The following C12orf54 variants were observed in gnomAD, a reference collection of about 807,000 sequenced individuals.
C12orf54 encodes the protein uncharacterized protein C12orf54.
In C12orf54, 24 loss-of-function variants were observed where a neutral mutation model predicts 26.4. The observed-to-expected ratio is 0.91, with a 90% CI of 0.66 to 1.28. The LOEUF is 1.28. Among genes scored for constraint, C12orf54 ranks in the 50% most tolerant of loss-of-function variants. The probability of loss-of-function intolerance (pLI) is 0.00; values close to 1 mark genes in which losing one functional copy is unlikely to be tolerated. For missense variants in C12orf54, 154 were observed against 150.9 expected (o/e 1.02, Z -0.11); for synonymous variants, 54 against 47.0 (o/e 1.15, Z -0.61).
the C12orf54 span, among the ~76,000 whole-genome samples, chr12:48,425,320 G>A: frequency 2.9e-4 from 44 of 152,108 alleles, no homozygotes; most frequent in East Asian, 7.7e-3. Context: ...ATTTATAAGT[G>A]AAAACATGCA....
chr12:48,483,217 C>G (rs942926595), intron 1 of C12orf54, 23 bp from the exon 2 acceptor site: 38 of 1,271,348 alleles, frequency 3.0e-5, no homozygotes, highest in Non-Finnish European at 3.9e-5. Flanking sequence ...GCCTTCTCCG[C>G]ATATTCATTT....
chr12:48,439,063 A>T, the C12orf54 span, among the ~76,000 whole-genome samples: 1 of 152,332 alleles, frequency 6.6e-6, no homozygotes, highest in Non-Finnish European at 1.5e-5. Flanking sequence ...TTACAAGAAA[A>T]AAAACAAACA....
chr12:48,463,119 G>A, the C12orf54 span, among the ~76,000 whole-genome samples: 1 of 151,756 alleles, frequency 6.6e-6, no homozygotes, highest in Non-Finnish European at 1.5e-5. Context: ...AAAATTAAAA[G>A]GGAAAAATAC....
At chr12:48,428,144 A>G in the C12orf54 span, among the ~76,000 whole-genome samples, 1 of 152,068 alleles carries the variant, frequency 6.6e-6, no homozygotes, top group East Asian at 1.9e-4. Flanking sequence ...GACACAACCT[A>G]TCAAAACCTC....
At chr12:48,472,753 A>G in the C12orf54 span, 4 of 1,614,122 alleles carry the variant, frequency 2.5e-6, no homozygotes, top group African/African-American at 5.3e-5. Context: ...AGTCAGTCAA[A>G]TGAAGGCAAA....
the C12orf54 span, among the ~76,000 whole-genome samples, chr12:48,466,570 G>T: frequency 6.6e-6 from 1 of 151,380 alleles, no homozygotes; most frequent in Non-Finnish European, 1.5e-5. Context: ...TACATGACTT[G>T]CAAATGAAAA....
the C12orf54 span, among the ~76,000 whole-genome samples, chr12:48,466,562 C>T: frequency 6.7e-6 from 1 of 150,198 alleles, no homozygotes; most frequent in Non-Finnish European, 1.5e-5. Flanking sequence ...AAAAAAGATA[C>T]ATGACTTGCA....
chr12:48,452,245 T>C, the C12orf54 span, among the ~76,000 whole-genome samples: 3 of 149,612 alleles, frequency 2.0e-5, no homozygotes, highest in Non-Finnish European at 3.0e-5. Flanking sequence ...AAGGATTTCT[T>C]ATTTAATAAA....
At chr12:48,491,562 T>C (rs1252303776) in intron 6 of C12orf54, among the ~76,000 whole-genome samples, 1 of 152,192 alleles carries the variant, frequency 6.6e-6, no homozygotes, top group Non-Finnish European at 1.5e-5. Context: ...CTAGATATGA[T>C]TCTTGTCTGT....
At chr12:48,441,154 T>C in the C12orf54 span, among the ~76,000 whole-genome samples, 2 of 152,212 alleles carry the variant, frequency 1.3e-5, no homozygotes, top group African/African-American at 4.8e-5. Flanking sequence ...CAGTGCCTGA[T>C]AGGATGCAAA....
the C12orf54 span, among the ~76,000 whole-genome samples, chr12:48,464,598 G>A: frequency 6.6e-6 from 1 of 152,012 alleles, no homozygotes; most frequent in Non-Finnish European, 1.5e-5. Context: ...CCAAAAAAGT[G>A]CCCATATAGC....
At chr12:48,433,683 G>A in the C12orf54 span, among the ~76,000 whole-genome samples, 11 of 152,262 alleles carry the variant, frequency 7.2e-5, no homozygotes, top group African/African-American at 2.6e-4. Flanking sequence ...TCTTGACCTT[G>A]TGATCTGCCC....
At chr12:48,452,413 A>G in the C12orf54 span, among the ~76,000 whole-genome samples, 5 of 152,342 alleles carry the variant, frequency 3.3e-5, no homozygotes, top group East Asian at 9.6e-4. Context: ...ACCATTCAGG[A>G]CATAGGCACA....
the C12orf54 span, chr12:48,472,808 T>C: frequency 1.9e-6 from 3 of 1,614,194 alleles, no homozygotes; most frequent in Middle Eastern, 3.3e-4. Context: ...AATTATTAAA[T>C]ACAATCAACA....
chr12:48,493,598 G>A (rs963415511), intron 7 of C12orf54, among the ~76,000 whole-genome samples: 14 of 136,438 alleles, frequency 1.0e-4, no homozygotes, highest in African/African-American at 4.0e-4. Context: ...TCCATCCTGG[G>A]CTGGAGACAG....
At chr12:48,417,766 A>G in the C12orf54 span, among the ~76,000 whole-genome samples, 1 of 152,022 alleles carries the variant, frequency 6.6e-6, no homozygotes, top group East Asian at 1.9e-4. Flanking sequence ...CCCAGTGTCT[A>G]TTATTGTCAT....
At chr12:48,468,603 A>G in the C12orf54 span, among the ~76,000 whole-genome samples, 4 of 151,920 alleles carry the variant, frequency 2.6e-5, no homozygotes, top group Non-Finnish European at 5.9e-5. Context: ...ACAACAATAA[A>G]GCTGTTATGG....
the C12orf54 span, chr12:48,472,705 G>A: frequency 6.2e-7 from 1 of 1,614,164 alleles, no homozygotes; most frequent in Non-Finnish European, 8.5e-7. Flanking sequence ...CTGCGGAACA[G>A]GACGCCCTCC....
the C12orf54 span, among the ~76,000 whole-genome samples, chr12:48,448,100 G>A: frequency 1.3e-5 from 2 of 151,948 alleles, no homozygotes; most frequent in South Asian, 4.2e-4. Flanking sequence ...TTCATTCCCA[G>A]AACCTCCAGA....
Sources: gnomAD v4.1 joint callset for allele counts (sites outside exome capture counted in the v4.1 genomes callset) on GRCh38, gnomAD v4.1.1 for gene constraint, MANE v1.5 for transcripts, NCBI Gene and HGNC (gene_info 2026-07-23, HGNC 2026-07-21) for gene names.